Variants in PIK3C2G observed in about 807,000 individuals in gnomAD.
PIK3C2G encodes the protein phosphatidylinositol-4-phosphate 3-kinase catalytic subunit type 2 gamma.
In PIK3C2G, 168 loss-of-function variants were observed where a neutral mutation model predicts 181.1. That is an observed-to-expected ratio of 0.93 (90% CI 0.82 to 1.05). PIK3C2G has a LOEUF of 1.05. Ranked by LOEUF, PIK3C2G falls within the 50% of genes least tolerant of loss-of-function variation. The pLI is 0.00. For synonymous variants in PIK3C2G, 573 were observed against 592.2 expected (o/e 0.97, Z 0.47); for missense variants, 1,869 against 1,732.8 (o/e 1.08, Z -1.40).
chr12:18,386,898 C>T (rs1428316604), intron 14 of PIK3C2G, among the ~76,000 whole-genome samples: 1 of 152,058 alleles, frequency 6.6e-6, no homozygotes, highest in Non-Finnish European at 1.5e-5. Context: ...TGTGTAAGTG[C>T]ACTTCTGAGT....
Position 18,336,009 on chromosome 12 carries a change from G to GA in PIK3C2G, c.1273-2409dup, listed in dbSNP as rs376083415. Reference sequence around the variant, plus strand: ...ACATATTTACTTAGAACAGATGAATGAAAAAAAACATAGAACCTAATATGA... The same window carrying GA: ...ACATATTTACTTAGAACAGATGAATGAAAAAAAAACATAGAACCTAATATGA... On this transcript the variant is annotated intron_variant, in intron 8 of 32. Coordinates refer to ENST00000538779, the MANE Select transcript of PIK3C2G (RefSeq NM_001288772.2). Among the ~76,000 whole-genome samples the GA allele has an allele frequency of 5.2e-4, 79 of 151,556 alleles. No homozygotes were observed. The South Asian group carries it at 0.013, about 26-fold the overall frequency.
At chr12:18,402,624 C>G (rs191524803) in intron 16 of PIK3C2G, among the ~76,000 whole-genome samples, 1 of 152,130 alleles carries the variant, frequency 6.6e-6, no homozygotes, top group Non-Finnish European at 1.5e-5. Flanking sequence ...AGATAACTTT[C>G]CAAAGTTTAA....
At chr12:18,324,892 A>C in intron 7 of PIK3C2G, 143 bp from the exon 8 acceptor site, 1 of 530,884 alleles carries the variant, frequency 1.9e-6, no homozygotes, top group Non-Finnish European at 3.3e-6. Flanking sequence ...AGATGTTTTT[A>C]AAATTATGTC....
intron 24 of PIK3C2G, among the ~76,000 whole-genome samples, chr12:18,537,283 T>C (rs1943910621): frequency 1.3e-5 from 2 of 152,140 alleles, no homozygotes; most frequent in African/African-American, 2.4e-5. Flanking sequence ...ACTTTTTAAA[T>C]TGCTACTTGG....
intron 26 of PIK3C2G, among the ~76,000 whole-genome samples, chr12:18,551,780 G>T (rs1222333799): frequency 6.6e-6 from 1 of 152,050 alleles, no homozygotes; most frequent in Non-Finnish European, 1.5e-5. Context: ...ATAGGGCTTG[G>T]CTAGTTTCTA....
intron 29 of PIK3C2G, among the ~76,000 whole-genome samples, chr12:18,580,049 C>T (rs991224047): frequency 9.2e-5 from 14 of 151,588 alleles, no homozygotes; most frequent in African/African-American, 2.9e-4. Flanking sequence ...AGGAGAATTG[C>T]TTGAACCCAC....
chr12:18,263,105 G>C (rs1948319743), intron 1 of PIK3C2G, among the ~76,000 whole-genome samples: 1 of 152,092 alleles, frequency 6.6e-6, no homozygotes, highest in Non-Finnish European at 1.5e-5. Context: ...TATAAAATAA[G>C]AGTGATGTGT....
intron 18 of PIK3C2G, among the ~76,000 whole-genome samples, chr12:18,481,948 T>C (rs559391373): frequency 1.2e-3 from 186 of 152,312 alleles, no homozygotes; most frequent in African/African-American, 4.3e-3. Context: ...TAGTTTTTAT[T>C]AAACTAATTG....
chr12:18,722,867 T>A, the PIK3C2G span, among the ~76,000 whole-genome samples: 1 of 152,050 alleles, frequency 6.6e-6, no homozygotes, highest in Non-Finnish European at 1.5e-5. Context: ...AATATTTTCT[T>A]CTTAGAATTT....
intron 29 of PIK3C2G, among the ~76,000 whole-genome samples, chr12:18,570,849 G>T: frequency 6.6e-6 from 1 of 150,768 alleles, no homozygotes; most frequent in East Asian, 1.9e-4. Flanking sequence ...ACATCAAGGA[G>T]CTCGAAGGCA....
At chr12:18,363,857 T>C (rs961661416) in intron 12 of PIK3C2G, among the ~76,000 whole-genome samples, 11 of 152,196 alleles carry the variant, frequency 7.2e-5, no homozygotes, top group Non-Finnish European at 2.9e-5. Flanking sequence ...GCATACCTCA[T>C]GGCCCCTCCC....
the PIK3C2G span, chr12:18,693,856 G>A: frequency 4.2e-5 from 64 of 1,532,814 alleles, no homozygotes; most frequent in East Asian, 1.2e-3. Context: ...ATGAAAAGAC[G>A]AAGAAGCCCA....
chr12:18,246,357 C>T (rs1241761923), upstream of PIK3C2G, among the ~76,000 whole-genome samples: 3 of 152,132 alleles, frequency 2.0e-5, no homozygotes, highest in African/African-American at 7.2e-5. Context: ...ATCCATTTCT[C>T]ATAAGAAAAC....
intron 9 of PIK3C2G, 113 bp downstream of exon 9, chr12:18,338,661 ATCTGTG>A (rs772909001): frequency 1.8e-6 from 1 of 544,590 alleles, no homozygotes; most frequent in Non-Finnish European, 3.2e-6. Context: ...GTTTGTGTGT[ATCTGTG>A]TGTGTGTGTG....
chr12:18,719,845 T>C, the PIK3C2G span, among the ~76,000 whole-genome samples: 1 of 152,032 alleles, frequency 6.6e-6, no homozygotes, highest in African/African-American at 2.4e-5. Flanking sequence ...GTAAATAATA[T>C]ATTATTTAAT....
intron 18 of PIK3C2G, among the ~76,000 whole-genome samples, chr12:18,470,871 C>G (rs568114535): frequency 2.0e-5 from 3 of 152,050 alleles, no homozygotes; most frequent in African/African-American, 7.2e-5. Context: ...AATATTATAA[C>G]GTTTTATTAT....
At chr12:18,698,288 C>CTATTCTATTCTATTCTAT in the PIK3C2G span, among the ~76,000 whole-genome samples, 1 of 54,872 alleles carries the variant, frequency 1.8e-5, no homozygotes, top group African/African-American at 8.2e-5. Context: ...TTCTATTCTA[C>CTATTCTATTCTATTCTAT]TCCATTCCAT....
At chr12:18,540,396 G>A (rs1273176150) in intron 25 of PIK3C2G, among the ~76,000 whole-genome samples, 1 of 151,750 alleles carries the variant, frequency 6.6e-6, no homozygotes, top group African/African-American at 2.4e-5. Flanking sequence ...CTGTTTCTCA[G>A]GTGACACTAA....
At chr12:18,557,913 G>C (rs1298260001) in intron 26 of PIK3C2G, among the ~76,000 whole-genome samples, 1 of 152,126 alleles carries the variant, frequency 6.6e-6, no homozygotes, top group Non-Finnish European at 1.5e-5. Context: ...ATACTACAGA[G>C]ATGTTAATAT....
Sources: allele counts gnomAD v4.1 joint callset (sites outside exome capture counted in the v4.1 genomes callset), GRCh38; gene constraint gnomAD v4.1.1; transcripts MANE v1.5; gene names NCBI Gene and HGNC (gene_info 2026-07-23, HGNC 2026-07-21).